The following RUNX1 variants were observed in gnomAD, a reference collection of about 807,000 sequenced individuals.
RUNX1 encodes runt-related transcription factor 1.
In RUNX1, 19 loss-of-function variants were observed where a neutral mutation model predicts 42.8. The ratio of observed to expected loss-of-function variants is 0.44; its 90% CI spans 0.31 to 0.65. The LOEUF (loss-of-function observed/expected upper bound fraction) is 0.65. RUNX1 is among the 30% of genes least tolerant of loss of function. The pLI is 0.07. For missense variants in RUNX1, 528 were observed against 672.0 expected (o/e 0.79, Z 2.37); for synonymous variants, 271 against 289.4 (o/e 0.94, Z 0.64).
chr21:35,036,376 C>G (rs1486005867), intron 2 of RUNX1, among the ~76,000 whole-genome samples: 1 of 152,132 alleles, frequency 6.6e-6, no homozygotes, highest in African/African-American at 2.4e-5. Context: ...GGCTGGCCAG[C>G]CCCCTGCATT....
intron 1 of RUNX1, 45 bp from the exon 2 acceptor site, chr21:35,049,003 C>G: frequency 1.1e-6 from 1 of 925,966 alleles, no homozygotes; most frequent in Non-Finnish European, 1.8e-6. Context: ...AGCCTCACCC[C>G]TCTAGCCCTA....
intron 2 of RUNX1, among the ~76,000 whole-genome samples, chr21:35,004,006 C>A (rs1177806406): frequency 6.6e-6 from 1 of 152,230 alleles, no homozygotes; most frequent in Non-Finnish European, 1.5e-5. Flanking sequence ...AAATAATCCA[C>A]ACACATTCTA....
Position 34,792,315 on chromosome 21 carries a change from G to GCCC in RUNX1, c.1262_1263insGGG (p.Gly421dup). ...GCAGGATGCGCGGCGGCGAGCGCTC[G>GCCC]CCGCCCACCATGGAGAACTGGTAGG... is the stretch of plus-strand genomic sequence containing the variant. On this transcript the variant is annotated inframe_insertion, in exon 9 of 9. Coordinates refer to ENST00000675419, the MANE Select transcript of RUNX1 (RefSeq NM_001754.5). The surrounding 1 kb of genome is among the most constrained non-coding windows in gnomAD (Gnocchi z 6.9). 2 of 1,516,780 alleles carry GCCC rather than the reference G, an allele frequency of 1.3e-6. No homozygotes were observed. Among genetic ancestry groups the GCCC allele is most frequent in the East Asian group, 2.6e-5 (1 of 38,958 alleles). 94.0% of individuals were successfully genotyped at this position (1,516,780 alleles called of 1,614,324 possible). A position where few individuals can be genotyped will look rare whatever the true frequency, so the allele number is the denominator to read the frequency against.
intron 3 of RUNX1, among the ~76,000 whole-genome samples, chr21:34,891,713 A>G (rs2058082608): frequency 6.6e-6 from 1 of 152,142 alleles, no homozygotes; most frequent in South Asian, 2.1e-4. Context: ...AAATTAAAAA[A>G]AAAAAAAATA....
At chr21:34,918,777 G>A (rs2146546471) in intron 2 of RUNX1, among the ~76,000 whole-genome samples, 1 of 152,248 alleles carries the variant, frequency 6.6e-6, no homozygotes, top group Non-Finnish European at 1.5e-5. Context: ...GCATAGTGGT[G>A]TGCCTGTAGT....
At chr21:34,817,124 G>A (rs1402046860) in intron 7 of RUNX1, among the ~76,000 whole-genome samples, 1 of 152,224 alleles carries the variant, frequency 6.6e-6, no homozygotes, top group Non-Finnish European at 1.5e-5. Flanking sequence ...GAAGGCCAAA[G>A]TATCAACAGT....
chr21:34,878,356 A>AT lies in RUNX1; in HGVS notation c.508+2200_508+2201insA, dbSNP rs1435978113. On this transcript the variant is annotated intron_variant, in intron 5 of 8. Transcript: ENST00000675419. ...TTGTAGCGCTGACTAAAAAAAAAAA[A>AT]AAAAATATATATATATATATACACA... is the stretch of plus-strand genomic sequence containing the variant. 8.4e-4 allele frequency among the ~76,000 whole-genome samples: 124 copies of AT among 148,028 alleles called. 1 individual carries two copies. The highest frequency in any genetic ancestry group is 3.0e-3 in the African/African-American group (120 of 39,732).
At chr21:34,863,700 GCATA>G (rs1474446246) in intron 5 of RUNX1, among the ~76,000 whole-genome samples, 24 of 151,698 alleles carry the variant, frequency 1.6e-4, no homozygotes, top group African/African-American at 4.8e-4. Flanking sequence ...GATTACATGT[GCATA>G]CCACCACACC....
chr21:35,013,782 A>G (rs1446907919), intron 2 of RUNX1, among the ~76,000 whole-genome samples: 1 of 152,212 alleles, frequency 6.6e-6, no homozygotes, highest in Non-Finnish European at 1.5e-5. Context: ...ATGTTCAGAG[A>G]TGTTCATTGC....
At chr21:34,864,944 T>C (rs2057635442) in intron 5 of RUNX1, among the ~76,000 whole-genome samples, 1 of 152,182 alleles carries the variant, frequency 6.6e-6, no homozygotes, top group African/African-American at 2.4e-5. Flanking sequence ...CAGTGTGGAC[T>C]CTCAAGGCAA....
intron 4 of RUNX1, 50 bp downstream of exon 4, chr21:34,886,793 G>C (rs963595623): frequency 1.9e-6 from 3 of 1,609,246 alleles, no homozygotes; most frequent in Non-Finnish European, 2.5e-6. Context: ...GATCTCCCCC[G>C]GCCTCGCCGG....
chr21:34,813,387 C>T lies in RUNX1; in HGVS notation c.806-13925G>A, dbSNP rs370918082. On this transcript the variant is annotated intron_variant, in intron 7 of 8. Transcript: ENST00000675419. ...GACTTCTAGAGGTGCTCTTCAGGATCGGGGAAAGCTAACACAGCATTGTCC... is the reference window on the plus strand; with the variant it reads ...GACTTCTAGAGGTGCTCTTCAGGATTGGGGAAAGCTAACACAGCATTGTCC... 2.9e-3 allele frequency among the ~76,000 whole-genome samples: 436 copies of T among 152,240 alleles called. 3 individuals are homozygous for T. The highest frequency in any genetic ancestry group is 4.7e-3 in the Non-Finnish European group (320 of 68,002).
At chr21:34,889,765 C>T in intron 3 of RUNX1, 7 of 1,155,240 alleles carry the variant, frequency 6.1e-6, no homozygotes, top group South Asian at 2.2e-5. Context: ...GGCCCCGCCC[C>T]CGGTCCGGCG....
intron 2 of RUNX1, among the ~76,000 whole-genome samples, chr21:35,026,812 A>G (rs1204996731): frequency 6.6e-6 from 1 of 152,248 alleles, no homozygotes; most frequent in Non-Finnish European, 1.5e-5. Context: ...CGGCCCAGAC[A>G]GGAAGGGAGG....
At chr21:34,962,144 T>C (rs1324795441) in intron 2 of RUNX1, among the ~76,000 whole-genome samples, 2 of 152,228 alleles carry the variant, frequency 1.3e-5, no homozygotes, top group African/African-American at 4.8e-5. Context: ...CCTCCTGCCT[T>C]GGCCTCCCAA....
intron 5 of RUNX1, among the ~76,000 whole-genome samples, chr21:34,861,591 A>G (rs1160179440): frequency 6.6e-6 from 1 of 152,034 alleles, no homozygotes; most frequent in East Asian, 1.9e-4. Flanking sequence ...TGCCCCAAGT[A>G]ATTTCTCACT....
chr21:34,798,484 C>T (rs139433504), intron 8 of RUNX1, among the ~76,000 whole-genome samples: 30 of 152,292 alleles, frequency 2.0e-4, no homozygotes, highest in East Asian at 9.7e-4. Flanking sequence ...GAGTTTTTCA[C>T]GCTGTTCCTC....
At chr21:34,911,358 T>C (rs186564481) in intron 2 of RUNX1, among the ~76,000 whole-genome samples, 2 of 152,326 alleles carry the variant, frequency 1.3e-5, no homozygotes, top group Admixed American at 6.5e-5. Flanking sequence ...AGACATCTCA[T>C]AGATAGCAAC....
rs71196923 is a variant in RUNX1, at chr21:34,992,674, TAA to T, written c.58+56166_58+56167del. ...TTCACAAGATTAAACATTACAAATA[TAA>T]AAAAAAAAAAAAGAAAAAAAAAAAC... On this transcript the variant is annotated intron_variant, in intron 2 of 8. Transcript: ENST00000675419. Among the ~76,000 whole-genome samples, 124 of 129,564 alleles carry T rather than the reference TAA, an allele frequency of 9.6e-4. 1 individual carries two copies. Among genetic ancestry groups the T allele is most frequent in the South Asian group, 2.2e-3 (9 of 4,122 alleles). The allele number at this position is 129,564 out of a possible 152,430, so 85.0% of individuals were successfully genotyped here. A position where few individuals can be genotyped will look rare whatever the true frequency, so the allele number is the denominator to read the frequency against.
Sources: allele counts gnomAD v4.1 joint callset (sites outside exome capture counted in the v4.1 genomes callset), GRCh38; gene constraint gnomAD v4.1.1; non-coding constraint Gnocchi (gnomAD v3.1); transcripts MANE v1.5; gene names NCBI Gene and HGNC (gene_info 2026-07-23, HGNC 2026-07-21).